Variants in LRP2 observed in about 807,000 individuals in gnomAD.
LRP2 encodes low-density lipoprotein receptor-related protein 2.
A neutral mutation model predicts 531.0 loss-of-function variants in LRP2; 172 were observed. That is an observed-to-expected ratio of 0.32 (90% CI 0.29 to 0.37). The LOEUF is 0.37. Ranked by LOEUF, LRP2 falls within the 10% of genes least tolerant of loss-of-function variation. The probability of loss-of-function intolerance (pLI) is 1.00; values close to 1 mark genes in which losing one functional copy is unlikely to be tolerated. For missense variants in LRP2, 5,167 were observed against 5,868.3 expected (o/e 0.88, Z 3.90); for synonymous variants, 1,992 against 2,027.6 (o/e 0.98, Z 0.47).
chr2:169,195,588 G>T (rs955197408), intron 46 of LRP2, among the ~76,000 whole-genome samples: 1 of 151,958 alleles, frequency 6.6e-6, no homozygotes, highest in Non-Finnish European at 1.5e-5. Flanking sequence ...TCAGGTCATT[G>T]GTACTCACTG....
chr2:169,324,249 C>T (rs1028415324), intron 1 of LRP2, among the ~76,000 whole-genome samples: 1 of 152,188 alleles, frequency 6.6e-6, no homozygotes, highest in Non-Finnish European at 1.5e-5. Context: ...GGATTTGAAT[C>T]TGACAGCTCT....
intron 1 of LRP2, among the ~76,000 whole-genome samples, chr2:169,341,303 T>C (rs912694053): frequency 6.6e-6 from 1 of 152,148 alleles, no homozygotes; most frequent in African/African-American, 2.4e-5. Flanking sequence ...GCAGATTCTC[T>C]TTTATGTGAA....
At chr2:169,277,705 G>A (rs1337271738) in intron 13 of LRP2, 40 bp downstream of exon 13, 7 of 1,564,654 alleles carry the variant, frequency 4.5e-6, no homozygotes, top group South Asian at 2.2e-5. Flanking sequence ...CACTTTCCCT[G>A]CAACTTATAA....
chr2:169,290,262 A>G (rs1683964350), intron 8 of LRP2, among the ~76,000 whole-genome samples: 1 of 116,594 alleles, frequency 8.6e-6, no homozygotes, highest in African/African-American at 3.2e-5. Context: ...AGGAACCAGA[A>G]GCTTTTTTTT....
chr2:169,347,388 A>G (rs1030607862), intron 1 of LRP2, among the ~76,000 whole-genome samples: 2 of 152,226 alleles, frequency 1.3e-5, no homozygotes, highest in Non-Finnish European at 1.5e-5. Flanking sequence ...CGGGAAGTAA[A>G]GAAACTCAGC....
Position 169,362,154 on chromosome 2 carries a change from G to C in LRP2, c.79+167C>G, listed in dbSNP as rs2161038. Among the ~76,000 whole-genome samples, 35,765 of 152,202 alleles carry C rather than the reference G, an allele frequency of 0.23. 4,867 individuals are homozygous for C. The highest frequency in any genetic ancestry group is 0.3 in the Non-Finnish European group (20,716 of 67,968). Reference sequence around the variant, plus strand: ...CTGGCGAGCGAAGAGGGGCGCTCCCGCTCCGGCTTCGCGAAGCAACCTGAG... The same window carrying C: ...CTGGCGAGCGAAGAGGGGCGCTCCCCCTCCGGCTTCGCGAAGCAACCTGAG... On this transcript the variant is annotated intron_variant, in intron 1 of 78. Coordinates refer to ENST00000649046, the MANE Select transcript of LRP2 (RefSeq NM_004525.3).
At chr2:169,306,577 T>A (rs138892407) in intron 4 of LRP2, among the ~76,000 whole-genome samples, 9 of 152,144 alleles carry the variant, frequency 5.9e-5, no homozygotes, top group African/African-American at 2.2e-4. Context: ...AACTGTGGTA[T>A]GCCTGAGATT....
chr2:169,349,127 G>C (rs1295716850), intron 1 of LRP2, among the ~76,000 whole-genome samples: 1 of 152,104 alleles, frequency 6.6e-6, no homozygotes, highest in Non-Finnish European at 1.5e-5. Flanking sequence ...TACATCTTAG[G>C]GAAGGGAAGA....
chr2:169,130,520 T>C (rs986007038), intron 77 of LRP2, among the ~76,000 whole-genome samples: 1 of 152,172 alleles, frequency 6.6e-6, no homozygotes, highest in African/African-American at 2.4e-5. Flanking sequence ...ACTCCTGATG[T>C]CATGATCCAC....
chr2:169,241,167 A>T lies in LRP2; in HGVS notation c.3866T>A (p.Leu1289His). The change falls in exon 25 of 79, where the codon CTC (leucine) becomes CAC (histidine). Residue 1289 changes from leucine to histidine, a missense_variant. Leu to His is a moderately conservative substitution (Grantham distance 99, BLOSUM62 -3). Around this residue, in one of 6 missense-constraint regions of LRP2, gnomAD observed 2,811 missense variants for 3,058.0 expected, o/e 0.92. Transcript: ENST00000649046. ...CCCGCAGTCATTGTCCCGATCACAGAGCCATGCCCTGTGGATGCAGTTTCC... is the reference window on the plus strand; with the variant it reads ...CCCGCAGTCATTGTCCCGATCACAGTGCCATGCCCTGTGGATGCAGTTTCC... Reference protein sequence around the residue: ...DNGNCIHRAWLCDRDNDCGDM... With the variant: ...DNGNCIHRAWHCDRDNDCGDM... 6.2e-7 allele frequency: 1 copy of T among 1,614,110 alleles called. No homozygotes were observed. Among genetic ancestry groups the T allele is most frequent in the South Asian group, 1.1e-5 (1 of 91,086 alleles).
intron 48 of LRP2, among the ~76,000 whole-genome samples, chr2:169,189,720 C>G (rs1477245259): frequency 1.3e-5 from 2 of 152,228 alleles, no homozygotes; most frequent in Admixed American, 1.3e-4. Context: ...TGCACACTAA[C>G]AGCACACCTA....
intron 1 of LRP2, among the ~76,000 whole-genome samples, chr2:169,342,725 C>T (rs1206932416): frequency 4.6e-5 from 7 of 152,122 alleles, no homozygotes; most frequent in African/African-American, 1.2e-4. Context: ...ACCTCTCACC[C>T]TGTAGCACAA....
intron 1 of LRP2, among the ~76,000 whole-genome samples, chr2:169,335,661 A>T (rs1481903227): frequency 1.3e-5 from 2 of 152,168 alleles, no homozygotes; most frequent in African/African-American, 4.8e-5. Context: ...TAGAAGAAAA[A>T]AAAAGGAAGT....
intron 19 of LRP2, among the ~76,000 whole-genome samples, chr2:169,248,296 T>C (rs1460548499): frequency 2.6e-5 from 4 of 152,262 alleles, no homozygotes; most frequent in Non-Finnish European, 4.4e-5. Flanking sequence ...TTCTCTTTAA[T>C]GATAGTTTAA....
At chr2:169,279,137 G>A (rs774267542) in intron 12 of LRP2, among the ~76,000 whole-genome samples, 1 of 152,014 alleles carries the variant, frequency 6.6e-6, no homozygotes, top group Non-Finnish European at 1.5e-5. Flanking sequence ...AAAACAACAA[G>A]TATTTTTAGT....
intron 1 of LRP2, among the ~76,000 whole-genome samples, chr2:169,343,231 C>T (rs1685611853): frequency 6.6e-6 from 1 of 152,204 alleles, no homozygotes; most frequent in Non-Finnish European, 1.5e-5. Context: ...ACATTTGGAT[C>T]TGTGCCTTCA....
At chr2:169,285,785 C>G (rs1683840378) in intron 9 of LRP2, among the ~76,000 whole-genome samples, 1 of 152,186 alleles carries the variant, frequency 6.6e-6, no homozygotes, top group African/African-American at 2.4e-5. Flanking sequence ...CTCAGAGCTT[C>G]CACTGCCAGG....
At chr2:169,315,999 G>T (rs952373952) in intron 3 of LRP2, among the ~76,000 whole-genome samples, 1 of 149,986 alleles carries the variant, frequency 6.7e-6, no homozygotes, top group African/African-American at 2.5e-5. Flanking sequence ...AATTAGCCAG[G>T]TATGGTGCCA....
At chr2:169,346,953 G>A (rs896604312) in intron 1 of LRP2, among the ~76,000 whole-genome samples, 3 of 152,124 alleles carry the variant, frequency 2.0e-5, no homozygotes, top group African/African-American at 7.2e-5. Flanking sequence ...CTTCCTAATA[G>A]ATCACAGCTG....
Sources: gnomAD v4.1 joint callset for allele counts (sites outside exome capture counted in the v4.1 genomes callset) on GRCh38, gnomAD v4.1.1 for gene constraint, gnomAD v4.1.1 regional missense constraint, MANE v1.5 for transcripts, NCBI Gene and HGNC (gene_info 2026-07-23, HGNC 2026-07-21) for gene names.